RAD54B: variants seen among roughly 807,000 people sequenced by gnomAD.
The protein encoded by RAD54B is DNA repair and recombination protein RAD54B.
In RAD54B, 78 loss-of-function variants were observed where a neutral mutation model predicts 95.8. The observed-to-expected ratio is 0.81, with a 90% CI of 0.68 to 0.98. The LOEUF is 0.98. Ranked by LOEUF, RAD54B falls within the 50% of genes least tolerant of loss-of-function variation. The probability of loss-of-function intolerance (pLI) is 0.00; values close to 1 mark genes in which losing one functional copy is unlikely to be tolerated. For missense variants in RAD54B, 957 were observed against 1,056.6 expected, an observed-to-expected ratio of 0.91 and a Z score of 1.31; for synonymous variants, 328 against 354.9, an observed-to-expected ratio of 0.92 and a Z score of 0.85.
intron 3 of RAD54B, among the ~76,000 whole-genome samples, chr8:94,426,950 C>T (rs936529966): frequency 2.0e-5 from 3 of 152,204 alleles, no homozygotes; most frequent in Admixed American, 6.5e-5. Context: ...TTCGAAGTAA[C>T]ATTTTTCCTT....
At chr8:94,436,907 C>A (rs1029632868) in intron 3 of RAD54B, 60 of 1,486,048 alleles carry the variant, frequency 4.0e-5, no homozygotes, top group Non-Finnish European at 5.0e-5. Flanking sequence ...CTGAAACCAC[C>A]ATGCAGCCTT....
At chr8:94,398,310 C>T (rs1811192315) in intron 8 of RAD54B, among the ~76,000 whole-genome samples, 1 of 152,080 alleles carries the variant, frequency 6.6e-6, no homozygotes, top group African/African-American at 2.4e-5. Context: ...ATGGTTAATA[C>T]AATCCTCCTA....
chr8:94,423,083 T>A (rs530578194), intron 3 of RAD54B, among the ~76,000 whole-genome samples: 2 of 152,196 alleles, frequency 1.3e-5, no homozygotes, highest in African/African-American at 2.4e-5. Context: ...TTTATTTTCA[T>A]TGACAAAGAC....
chr8:94,386,429 TC>T (rs1158080468), intron 11 of RAD54B, among the ~76,000 whole-genome samples: 1 of 152,184 alleles, frequency 6.6e-6, no homozygotes, highest in Non-Finnish European at 1.5e-5. Context: ...AGATGTCCAT[TC>T]AACACTTAAA....
chr8:94,421,854 C>T (rs1811814224), intron 3 of RAD54B, among the ~76,000 whole-genome samples: 1 of 152,188 alleles, frequency 6.6e-6, no homozygotes, highest in Non-Finnish European at 1.5e-5. Context: ...CTACTGACAG[C>T]GTCTTTTGCC....
At chr8:94,468,661 T>TA (rs889917129) in intron 1 of RAD54B, among the ~76,000 whole-genome samples, 36 of 150,018 alleles carry the variant, frequency 2.4e-4, no homozygotes, top group African/African-American at 6.9e-4. Flanking sequence ...ACATCTCTAC[T>TA]AAAAAAAAAT....
rs764774153 is a variant in RAD54B at position 94,411,134 on chromosome 8, T to G, written c.486A>C (p.Lys162Asn). ...KSFILKNLEG[K>N]DIGRGIGYKF... ...GTATCATAATACCTCTTCCAATGTCTTTGCCTTCCAAATTCTTTAATATAA... is the reference window on the plus strand; with the variant it reads ...GTATCATAATACCTCTTCCAATGTCGTTGCCTTCCAAATTCTTTAATATAA... Residue 162 changes from lysine (K) to asparagine (N), a missense_variant, in exon 4 of 15, where the codon AAA becomes AAC. Lys to Asn is a moderately conservative substitution (Grantham distance 94, BLOSUM62 0). Transcript: ENST00000336148. 1 of 1,606,550 alleles carries G rather than the reference T, an allele frequency of 6.2e-7. No individual in the cohort carries two copies. Among genetic ancestry groups the G allele is most frequent in the Non-Finnish European group, 8.5e-7 (1 of 1,177,180 alleles).
chr8:94,416,626 TA>T (rs778357806), intron 3 of RAD54B, among the ~76,000 whole-genome samples: 4 of 151,494 alleles, frequency 2.6e-5, no homozygotes, highest in Non-Finnish European at 5.9e-5. Context: ...AATAAGCACA[TA>T]AAAAGATATT....
chr8:94,446,906 G>A (rs1426894099), intron 3 of RAD54B, among the ~76,000 whole-genome samples: 1 of 151,908 alleles, frequency 6.6e-6, no homozygotes. Context: ...ATGGTGCCAA[G>A]GGACTCTGAA....
intron 3 of RAD54B, among the ~76,000 whole-genome samples, chr8:94,420,259 T>TTC: frequency 7.5e-6 from 1 of 133,502 alleles, no homozygotes; most frequent in Non-Finnish European, 1.6e-5. Context: ...TGATTTTTTT[T>TTC]TTTTTTTTTT....
intron 14 of RAD54B, among the ~76,000 whole-genome samples, chr8:94,375,325 T>G (rs1303406410): frequency 1.3e-5 from 2 of 152,162 alleles, no homozygotes; most frequent in Admixed American, 1.3e-4. Flanking sequence ...TTCCCACGTG[T>G]TGTGGGAAGG....
chr8:94,374,455 A>G (rs1810518791), intron 14 of RAD54B, among the ~76,000 whole-genome samples: 1 of 152,184 alleles, frequency 6.6e-6, no homozygotes, highest in Non-Finnish European at 1.5e-5. Context: ...ATAATGATAA[A>G]TGCAAACAAA....
At chr8:94,447,496 T>C (rs1345141376) in intron 3 of RAD54B, among the ~76,000 whole-genome samples, 1 of 152,212 alleles carries the variant, frequency 6.6e-6, no homozygotes, top group Non-Finnish European at 1.5e-5. Flanking sequence ...CAATATTCAC[T>C]ACACCACTCA....
At chr8:94,386,770 G>A (rs75380896) in intron 11 of RAD54B, among the ~76,000 whole-genome samples, 1 of 152,008 alleles carries the variant, frequency 6.6e-6, no homozygotes, top group East Asian at 1.9e-4. Context: ...AATATCACTA[G>A]GTTTTTAAAA....
At chr8:94,459,838 C>T (rs1162532323) in intron 2 of RAD54B, among the ~76,000 whole-genome samples, 1 of 148,608 alleles carries the variant, frequency 6.7e-6, no homozygotes, top group Non-Finnish European at 1.5e-5. Context: ...CCAGCCTGGG[C>T]GACAGAACAA....
At chr8:94,454,154 A>G (rs1333740793) in intron 3 of RAD54B, among the ~76,000 whole-genome samples, 3 of 151,610 alleles carry the variant, frequency 2.0e-5, no homozygotes, top group African/African-American at 7.3e-5. Context: ...TACCTTTTAA[A>G]AAAAAAAAAA....
intron 3 of RAD54B, among the ~76,000 whole-genome samples, chr8:94,441,199 G>C (rs1426912045): frequency 6.6e-6 from 1 of 152,150 alleles, no homozygotes; most frequent in Non-Finnish European, 1.5e-5. Flanking sequence ...CAGAAATTGT[G>C]CACTCAGGGA....
At chr8:94,416,582 T>C (rs1316622856) in intron 3 of RAD54B, among the ~76,000 whole-genome samples, 3 of 151,450 alleles carry the variant, frequency 2.0e-5, no homozygotes, top group African/African-American at 7.3e-5. Context: ...GCAAAAATCT[T>C]AGACAATTCA....
At chr8:94,461,317 C>T (rs375925715) in intron 2 of RAD54B, among the ~76,000 whole-genome samples, 6 of 151,366 alleles carry the variant, frequency 4.0e-5, no homozygotes, top group African/African-American at 1.5e-4. Flanking sequence ...AGATTACAGG[C>T]ATGCACCACC....
Sources: allele counts gnomAD v4.1 joint callset (sites outside exome capture counted in the v4.1 genomes callset), GRCh38; gene constraint gnomAD v4.1.1; transcripts MANE v1.5; gene names NCBI Gene and HGNC (gene_info 2026-07-23, HGNC 2026-07-21).